The following SPOCK1 variants were observed in gnomAD, a reference collection of about 807,000 sequenced individuals.
SPOCK1 encodes testican-1.
In SPOCK1, 23 loss-of-function variants were observed where a neutral mutation model predicts 55.3. That is an observed-to-expected ratio of 0.42 (90% CI 0.30 to 0.59). The LOEUF (loss-of-function observed/expected upper bound fraction) is 0.59. Ranked by LOEUF, SPOCK1 falls within the 20% of genes least tolerant of loss-of-function variation. SPOCK1 has a pLI of 0.22. For synonymous variants in SPOCK1, 226 were observed against 221.0 expected, an observed-to-expected ratio of 1.02 and a Z score of -0.20; for missense variants, 499 against 552.5, an observed-to-expected ratio of 0.90 and a Z score of 0.97.
At chr5:137,212,265 TG>T (rs1051903114) in intron 3 of SPOCK1, among the ~76,000 whole-genome samples, 72 of 151,972 alleles carry the variant, frequency 4.7e-4, no homozygotes, top group East Asian at 9.7e-4. Context: ...TGACTAAAGG[TG>T]AGTTATTCTG....
At chr5:137,452,609 A>C (rs1753277736) in intron 2 of SPOCK1, among the ~76,000 whole-genome samples, 2 of 152,234 alleles carry the variant, frequency 1.3e-5, no homozygotes, top group African/African-American at 4.8e-5. Context: ...GACATGTCTC[A>C]TCTAATACCT....
In SPOCK1 at chr5:137,350,732, G is replaced by A. The variant is rs185726731; in HGVS notation, c.187-83677C>T. ...CCTCAGCTGCAAGATGAATTTGTGG[G>A]GCCTAACACAAAATGAAAGTGTGGG... On this transcript the variant is annotated intron_variant, in intron 2 of 10. Coordinates refer to ENST00000394945, the MANE Select transcript of SPOCK1 (RefSeq NM_004598.4). 2.8e-4 allele frequency among the ~76,000 whole-genome samples: 42 copies of A among 152,138 alleles called. 2 individuals are homozygous for A. The highest frequency in any genetic ancestry group is 2.8e-3 in the Admixed American group (42 of 15,258).
In SPOCK1 at chr5:137,153,392, A is replaced by C. The variant is rs183361113; in HGVS notation, c.233-12698T>G. On this transcript the variant is annotated intron_variant, in intron 3 of 10. Transcript: ENST00000394945. ...TCACAGAATAAAAACACTCATTTTT[A>C]ATGTAGGGGAGACTTCAATTTGTCA... 3.6e-3 allele frequency among the ~76,000 whole-genome samples: 547 copies of C among 152,310 alleles called. 2 individuals carry two copies. The highest frequency in any genetic ancestry group is 8.0e-3 in the African/African-American group (334 of 41,554).
intron 2 of SPOCK1, among the ~76,000 whole-genome samples, chr5:137,473,862 T>G (rs567118862): frequency 7.2e-5 from 11 of 152,282 alleles, no homozygotes; most frequent in African/African-American, 2.4e-4. Context: ...AATCAATTAG[T>G]GGATAAAGAA....
At chr5:137,029,342 C>T (rs1433418766) in intron 6 of SPOCK1, among the ~76,000 whole-genome samples, 1 of 152,186 alleles carries the variant, frequency 6.6e-6, no homozygotes, top group Non-Finnish European at 1.5e-5. Flanking sequence ...AAAGAAAAGG[C>T]CACCTTCTAC....
rs369907833 is a variant in SPOCK1, at chr5:137,381,205, G to GT, written c.187-114151dup. Among the ~76,000 whole-genome samples, 208 of 152,314 alleles carry GT rather than the reference G, an allele frequency of 1.4e-3. 1 individual carries two copies. The highest frequency in any genetic ancestry group is 4.8e-3 in the African/African-American group (198 of 41,562). On this transcript the variant is annotated intron_variant, in intron 2 of 10. Transcript: ENST00000394945. ...CATCCAGGCCACACTGATTCAAAGG[G>GT]TGGGTTCCCAGGGCCTTGGGCAGCT...
intron 2 of SPOCK1, among the ~76,000 whole-genome samples, chr5:137,312,087 T>A (rs1433865855): frequency 6.6e-6 from 1 of 152,256 alleles, no homozygotes; most frequent in South Asian, 2.1e-4. Flanking sequence ...CGTAGCTCCA[T>A]TAATATGCCA....
At chr5:137,380,308 T>C (rs1261940187) in intron 2 of SPOCK1, among the ~76,000 whole-genome samples, 2 of 152,202 alleles carry the variant, frequency 1.3e-5, no homozygotes, top group Non-Finnish European at 2.9e-5. Context: ...GCTTTATTGG[T>C]GTAGTCACCA....
chr5:137,175,567 C>T (rs1754838224), intron 3 of SPOCK1, among the ~76,000 whole-genome samples: 1 of 152,194 alleles, frequency 6.6e-6, no homozygotes, highest in Admixed American at 6.5e-5. Context: ...TAGTTAAAAG[C>T]TCAGGCTTTG....
intron 2 of SPOCK1, among the ~76,000 whole-genome samples, chr5:137,291,156 T>C (rs2905555): frequency 0.86 from 131,041 of 152,086 alleles, 56,820 homozygotes; most frequent in African/African-American, 0.95. Flanking sequence ...ATCTATAGAA[T>C]AGGAAATCCA....
intron 2 of SPOCK1, among the ~76,000 whole-genome samples, chr5:137,284,394 T>C (rs1416242262): frequency 2.0e-5 from 3 of 152,166 alleles, no homozygotes; most frequent in Non-Finnish European, 4.4e-5. Flanking sequence ...TCTTGGCAAC[T>C]AACAATTCTT....
At position 137,393,339 on chromosome 5, in the gene SPOCK1, A is replaced by C. The variant is rs185263703; in HGVS notation, c.186+105034T>G. Among the ~76,000 whole-genome samples the C allele has an allele frequency of 2.0e-5, 3 of 152,310 alleles. No homozygotes were observed. The East Asian group carries it at 5.8e-4, about 29-fold the overall frequency. ...GTTTCAGCTACTGCTCCTTTGCCTC[A>C]GCCATCACCATGAGAACATGCCTGA... On this transcript the variant is annotated intron_variant, in intron 2 of 10. Coordinates refer to ENST00000394945, the MANE Select transcript of SPOCK1 (RefSeq NM_004598.4).
In SPOCK1 at chr5:136,976,159, G is replaced by A. The variant is rs1256001562; in HGVS notation, c.*2495C>T. On this transcript the variant is annotated 3_prime_UTR_variant, in exon 11 of 11. Transcript: ENST00000394945. Reference sequence around the variant, plus strand: ...TTACAATCTTTAGTACTCATGGAAAGTATTAAAGATCTTTAAAAAAATCGA... The same window carrying A: ...TTACAATCTTTAGTACTCATGGAAAATATTAAAGATCTTTAAAAAAATCGA... 1 of 152,160 alleles carries A rather than the reference G, an allele frequency of 6.6e-6. No homozygotes were observed. The highest frequency in any genetic ancestry group is 2.4e-5 in the African/African-American group (1 of 41,440). 9.4% of individuals were successfully genotyped at this position (152,160 alleles called of 1,614,324 possible). A position where few individuals can be genotyped will look rare whatever the true frequency, so the allele number is the denominator to read the frequency against.
At chr5:137,230,713 A>G (rs10058409) in intron 3 of SPOCK1, among the ~76,000 whole-genome samples, 20,512 of 142,096 alleles carry the variant, frequency 0.14, 2,182 homozygotes, top group South Asian at 0.24. Context: ...ATTAAACCTG[A>G]TCACATCACA....
chr5:137,473,185 C>T (rs148219527), intron 2 of SPOCK1, among the ~76,000 whole-genome samples: 294 of 152,198 alleles, frequency 1.9e-3, no homozygotes, highest in African/African-American at 6.5e-3. Context: ...ATGAATATGC[C>T]GGAAAATGTT....
At chr5:137,119,941 A>C (rs1040959000) in intron 4 of SPOCK1, among the ~76,000 whole-genome samples, 1 of 152,108 alleles carries the variant, frequency 6.6e-6, no homozygotes, top group Non-Finnish European at 1.5e-5. Flanking sequence ...AACATTCCCA[A>C]GAGGAAGAAA....
intron 9 of SPOCK1, among the ~76,000 whole-genome samples, chr5:136,980,699 TATTTCTTCATAGCAG>T (rs1750710766): frequency 6.6e-6 from 1 of 152,202 alleles, no homozygotes; most frequent in African/African-American, 2.4e-5. Context: ...GTCTCAGGTC[TATTTCTTCATAGCAG>T]TGTGAAAATG....
intron 2 of SPOCK1, among the ~76,000 whole-genome samples, chr5:137,375,726 A>T (rs1751297643): frequency 1.3e-5 from 2 of 152,194 alleles, no homozygotes; most frequent in African/African-American, 2.4e-5. Context: ...TAAAAATAAG[A>T]ATTTTTTTAA....
chr5:137,448,010 G>C (rs1255283631), intron 2 of SPOCK1, among the ~76,000 whole-genome samples: 1 of 152,216 alleles, frequency 6.6e-6, no homozygotes, highest in African/African-American at 2.4e-5. Context: ...CACTTTGGGA[G>C]GCCAAGGTGG....
Sources: allele counts gnomAD v4.1 joint callset (sites outside exome capture counted in the v4.1 genomes callset), GRCh38; gene constraint gnomAD v4.1.1; transcripts MANE v1.5; gene names NCBI Gene and HGNC (gene_info 2026-07-23, HGNC 2026-07-21).